The following ANKFN1 variants were observed in gnomAD, a reference collection of about 807,000 sequenced individuals.
ANKFN1 encodes the protein ankyrin repeat and fibronectin type III domain containing 1, also known as ankyrin repeat and fibronectin type-III domain-containing protein 1.
ANKFN1 carries 74 observed loss-of-function variants against 108.7 expected under a neutral mutation model. That is an observed-to-expected ratio of 0.68 (90% CI 0.56 to 0.83). The LOEUF (loss-of-function observed/expected upper bound fraction) is 0.83. Ranked by LOEUF, ANKFN1 falls within the 40% of genes least tolerant of loss-of-function variation. The pLI, the probability that ANKFN1 is intolerant of heterozygous loss-of-function variation, is 0.00. For synonymous variants in ANKFN1, 547 were observed against 516.2 expected (o/e 1.06, Z -0.81); for missense variants, 1,505 against 1,382.3 (o/e 1.09, Z -1.41).
intron 4 of ANKFN1, among the ~76,000 whole-genome samples, chr17:56,106,820 A>G (rs900671778): frequency 1.3e-5 from 2 of 152,198 alleles, no homozygotes; most frequent in African/African-American, 2.4e-5. Context: ...GAGAATGTAT[A>G]AAGTGAAATG....
intron 4 of ANKFN1, among the ~76,000 whole-genome samples, chr17:56,112,531 T>C (rs569055682): frequency 3.9e-5 from 6 of 152,132 alleles, no homozygotes; most frequent in African/African-American, 1.4e-4. Context: ...CCAAGCCAAA[T>C]CTATTCCCTT....
intron 8 of ANKFN1, among the ~76,000 whole-genome samples, chr17:56,433,335 A>G (rs1260868653): frequency 3.9e-5 from 6 of 152,188 alleles, no homozygotes; most frequent in Non-Finnish European, 8.8e-5. Flanking sequence ...TTATTCATCA[A>G]TGACATAAGC....
intron 4 of ANKFN1, among the ~76,000 whole-genome samples, chr17:56,343,661 A>G (rs28865286): frequency 0.02 from 3,051 of 151,936 alleles, 94 homozygotes; most frequent in African/African-American, 0.067. Context: ...TATTTCTTCA[A>G]ATAGCCTTTC....
intron 3 of ANKFN1, among the ~76,000 whole-genome samples, chr17:56,309,548 C>T (rs895966869): frequency 5.9e-5 from 9 of 151,958 alleles, no homozygotes; most frequent in African/African-American, 2.2e-4. Context: ...TAGATTTCTG[C>T]TCTTTTTTTG....
chr17:56,220,878 G>GT, intron 2 of ANKFN1, among the ~76,000 whole-genome samples: 1 of 76,188 alleles, frequency 1.3e-5, no homozygotes, highest in African/African-American at 1.0e-4. Flanking sequence ...AAGGGAGGGA[G>GT]GGAGGGAGGG....
chr17:56,511,332 C>G lies in ANKFN1; in HGVS notation c.*63C>G. ...TACCTGCGTTTTACATCACCCTTAC[C>G]CCCATCCTGCCCCACTGTGTACCCA... On this transcript the variant is annotated 3_prime_UTR_variant, in exon 21 of 21. Transcript: ENST00000682825. 1.5e-6 allele frequency: 2 copies of G among 1,375,420 alleles called. No individual in the cohort carries two copies. The highest frequency in any genetic ancestry group is 1.9e-6 in the Non-Finnish European group (2 of 1,034,934). The allele number at this position is 1,375,420 out of a possible 1,614,324, so 85.2% of individuals were successfully genotyped here. A position where few individuals can be genotyped will look rare whatever the true frequency, so the allele number is the denominator to read the frequency against.
intron 15 of ANKFN1, among the ~76,000 whole-genome samples, chr17:56,474,895 G>T (rs1196522541): frequency 1.3e-5 from 2 of 152,122 alleles, no homozygotes; most frequent in Non-Finnish European, 2.9e-5. Context: ...ATTGCTTCTT[G>T]ATCATGAGAT....
intron 8 of ANKFN1, among the ~76,000 whole-genome samples, chr17:56,395,770 AC>A (rs1433023924): frequency 2.6e-5 from 4 of 152,018 alleles, no homozygotes; most frequent in Non-Finnish European, 5.9e-5. Context: ...AATCACTTGA[AC>A]CCGGAAGGTG....
chr17:56,238,795 G>A (rs1917356744), intron 3 of ANKFN1, among the ~76,000 whole-genome samples: 1 of 152,070 alleles, frequency 6.6e-6, no homozygotes, highest in African/African-American at 2.4e-5. Context: ...TTAACGAATA[G>A]CTTACAAATT....
chr17:56,459,626 C>A (rs193052222), intron 14 of ANKFN1, among the ~76,000 whole-genome samples: 3 of 152,294 alleles, frequency 2.0e-5, no homozygotes, highest in East Asian at 3.9e-4. Context: ...ATCATCCTAC[C>A]ATACAGCCCA....
intron 5 of ANKFN1, 54 bp downstream of exon 5, chr17:56,351,021 G>T: frequency 6.4e-7 from 1 of 1,552,252 alleles, no homozygotes; most frequent in Non-Finnish European, 8.8e-7. Context: ...TTTATGTTTG[G>T]GTTTAAGGAT....
At chr17:56,189,585 G>A (rs933538604) in intron 1 of ANKFN1, among the ~76,000 whole-genome samples, 2 of 152,146 alleles carry the variant, frequency 1.3e-5, no homozygotes, top group African/African-American at 4.8e-5. Context: ...TGGGACTTTT[G>A]GGATCTGAAG....
At chr17:56,381,808 G>C (rs1038436776) in intron 8 of ANKFN1, among the ~76,000 whole-genome samples, 1 of 152,200 alleles carries the variant, frequency 6.6e-6, no homozygotes, top group African/African-American at 2.4e-5. Flanking sequence ...ATCTACGTCT[G>C]ATTGGTGTAC....
At position 56,405,363 on chromosome 17, in the gene ANKFN1, A is replaced by G. The variant is rs192225477; in HGVS notation, c.910+30649A>G. On this transcript the variant is annotated intron_variant, in intron 8 of 20. Coordinates refer to ENST00000682825, the MANE Select transcript of ANKFN1 (RefSeq NM_001370326.1). The stretch of plus-strand genomic sequence containing the variant: ...ATCACTTTTCACCTTTCAGAATATC[A>G]AAAACTTCAAAAGTTTAATATACGC... Among the ~76,000 whole-genome samples the G allele has an allele frequency of 3.4e-3, 511 of 152,344 alleles. 1 individual carries two copies. The highest frequency in any genetic ancestry group is 0.014 in the Middle Eastern group (4 of 294).
chr17:56,372,127 G>A (rs951250758), intron 6 of ANKFN1, among the ~76,000 whole-genome samples: 35 of 152,284 alleles, frequency 2.3e-4, no homozygotes, highest in African/African-American at 6.7e-4. Context: ...TAAGATGTAC[G>A]TACAAAAATG....
intron 1 of ANKFN1, among the ~76,000 whole-genome samples, chr17:56,154,909 A>C (rs1374777401): frequency 6.6e-6 from 1 of 152,154 alleles, no homozygotes; most frequent in Non-Finnish European, 1.5e-5. Context: ...TCTGACACTA[A>C]TTAGTGGCAG....
Position 56,372,052 on chromosome 17 carries a change from G to GC in ANKFN1, c.602-593dup, listed in dbSNP as rs1202310041. Among the ~76,000 whole-genome samples the GC allele has an allele frequency of 9.9e-5, 15 of 152,260 alleles. No homozygotes were observed. In the East Asian group the frequency reaches 2.5e-3, roughly 25 times the overall value. On this transcript the variant is annotated intron_variant, in intron 6 of 20. Coordinates refer to ENST00000682825, the MANE Select transcript of ANKFN1 (RefSeq NM_001370326.1). Reference sequence around the variant, plus strand: ...ATCAGAACTCACTAGCTCAACTGTGGCAGCAGTAGCGGAACTCTTTGTAAG... The same window carrying GC: ...ATCAGAACTCACTAGCTCAACTGTGGCCAGCAGTAGCGGAACTCTTTGTAAG...
rs572331378 is a variant in ANKFN1, at chr17:56,167,009, T to G, written c.-71+13479T>G. On this transcript the variant is annotated intron_variant, in intron 1 of 20. Transcript: ENST00000682825. Reference sequence around the variant, plus strand: ...ACTATATACCCAGCCCCTAGTGCTGTGCCTGGCCTAGCTTAGAAAATCAAT... The same window carrying G: ...ACTATATACCCAGCCCCTAGTGCTGGGCCTGGCCTAGCTTAGAAAATCAAT... Among the ~76,000 whole-genome samples, 13 of 152,048 alleles carry G rather than the reference T, an allele frequency of 8.5e-5. No individual in the cohort carries two copies. In the South Asian group the frequency reaches 2.5e-3, roughly 29 times the overall value.
At chr17:56,165,058 A>G (rs1910022909) in intron 1 of ANKFN1, among the ~76,000 whole-genome samples, 1 of 152,216 alleles carries the variant, frequency 6.6e-6, no homozygotes, top group Non-Finnish European at 1.5e-5. Flanking sequence ...CCTGTAAAAT[A>G]GGTTCACTCC....
Sources: gnomAD v4.1 joint callset for allele counts (sites outside exome capture counted in the v4.1 genomes callset) on GRCh38, gnomAD v4.1.1 for gene constraint, MANE v1.5 for transcripts, NCBI Gene and HGNC (gene_info 2026-07-23, HGNC 2026-07-21) for gene names.